The following PLPP3 variants were observed in gnomAD, a reference collection of about 807,000 sequenced individuals.
The protein encoded by PLPP3 is phospholipid phosphatase 3.
PLPP3 carries 6 observed loss-of-function variants against 29.6 expected under a neutral mutation model. The ratio of observed to expected loss-of-function variants is 0.20; its 90% CI spans 0.11 to 0.40. PLPP3 has a LOEUF of 0.40. PLPP3 is among the 10% of genes least tolerant of loss of function. The pLI is 1.00. For synonymous variants in PLPP3, 152 were observed against 159.7 expected, an observed-to-expected ratio of 0.95 and a Z score of 0.36; for missense variants, 308 against 407.7, an observed-to-expected ratio of 0.76 and a Z score of 2.11.
At chr1:56,544,786 T>C (rs1488365929) in intron 1 of PLPP3, among the ~76,000 whole-genome samples, 2 of 152,162 alleles carry the variant, frequency 1.3e-5, no homozygotes, top group African/African-American at 2.4e-5. Context: ...GCTACGAAAC[T>C]CTTGAAAGTG....
intron 5 of PLPP3, among the ~76,000 whole-genome samples, chr1:56,503,440 G>A (rs866299920): frequency 1.3e-5 from 2 of 152,198 alleles, no homozygotes; most frequent in African/African-American, 2.4e-5. Context: ...TGTAATCCCA[G>A]CACTTTGGGA....
chr1:56,572,046 T>G (rs1462145512), intron 1 of PLPP3, among the ~76,000 whole-genome samples: 2 of 127,752 alleles, frequency 1.6e-5, no homozygotes, highest in East Asian at 2.2e-4. Context: ...ATTTCTGGTT[T>G]TTTTTTTTTT....
chr1:56,544,914 T>C (rs922234278), intron 1 of PLPP3, among the ~76,000 whole-genome samples: 2 of 152,198 alleles, frequency 1.3e-5, no homozygotes, highest in Admixed American at 1.3e-4. Context: ...ATTTGCAACA[T>C]GGCTACCCAG....
chr1:56,563,816 G>T (rs1029651791), intron 1 of PLPP3, among the ~76,000 whole-genome samples: 1 of 152,112 alleles, frequency 6.6e-6, no homozygotes, highest in Admixed American at 6.6e-5. Flanking sequence ...AGTTAATAAC[G>T]TATGAAAAGC....
At position 56,539,097 on chromosome 1, in the gene PLPP3, CAG is replaced by C. The variant is rs565527794; in HGVS notation, c.140-1987_140-1986del. Among the ~76,000 whole-genome samples, 229 of 152,164 alleles carry C rather than the reference CAG, an allele frequency of 1.5e-3. 1 individual carries two copies. Among genetic ancestry groups the C allele is most frequent in the African/African-American group, 5.3e-3 (218 of 41,512 alleles). ...TCTTCAAGTGGAGGGAACAGAGACT[CAG>C]AGAGAATACTGAGCTCATTCAGGGT... On this transcript the variant is annotated intron_variant, in intron 1 of 5. Transcript: ENST00000371250.
At chr1:56,572,615 T>C (rs572374566) in intron 1 of PLPP3, among the ~76,000 whole-genome samples, 1 of 152,126 alleles carries the variant, frequency 6.6e-6, no homozygotes, top group Non-Finnish European at 1.5e-5. Flanking sequence ...ATGGAAAACA[T>C]TTGTGTCCAC....
intron 1 of PLPP3, among the ~76,000 whole-genome samples, chr1:56,555,034 C>T (rs1646064656): frequency 6.6e-6 from 1 of 152,052 alleles, no homozygotes; most frequent in Non-Finnish European, 1.5e-5. Flanking sequence ...GATCACAGTT[C>T]AAATGTTATT....
chr1:56,541,650 T>C (rs556567732), intron 1 of PLPP3, among the ~76,000 whole-genome samples: 22 of 152,324 alleles, frequency 1.4e-4, no homozygotes, highest in African/African-American at 5.3e-4. Flanking sequence ...AAGTAAGTTA[T>C]GGAGCTGAAC....
chr1:56,532,812 A>C (rs1645898890), intron 2 of PLPP3, among the ~76,000 whole-genome samples: 1 of 152,134 alleles, frequency 6.6e-6, no homozygotes, highest in Admixed American at 6.5e-5. Flanking sequence ...ATCAAATCAG[A>C]TCTGTCTCTC....
intron 2 of PLPP3, 116 bp downstream of exon 2, chr1:56,536,839 G>T (rs1422696617): frequency 2.3e-6 from 3 of 1,332,132 alleles, no homozygotes; most frequent in Non-Finnish European, 3.1e-6. Context: ...CTAAATATAG[G>T]CCAGAGAAAG....
chr1:56,523,128 G>A (rs1362143139), intron 4 of PLPP3, among the ~76,000 whole-genome samples: 1 of 152,174 alleles, frequency 6.6e-6, no homozygotes, highest in African/African-American at 2.4e-5. Context: ...GAGAAATGGG[G>A]CATGGATTTT....
intron 1 of PLPP3, among the ~76,000 whole-genome samples, chr1:56,549,525 G>A (rs2100280909): frequency 6.6e-6 from 1 of 152,300 alleles, no homozygotes. Flanking sequence ...TTTCCCAGGT[G>A]TCTTGTGGAC....
intron 5 of PLPP3, among the ~76,000 whole-genome samples, chr1:56,497,214 G>A (rs753313826): frequency 1.3e-5 from 2 of 152,192 alleles, no homozygotes; most frequent in African/African-American, 4.8e-5. Flanking sequence ...CCAGGTTCTC[G>A]TTGCTGAGAA....
At chr1:56,560,594 T>C (rs1357584295) in intron 1 of PLPP3, among the ~76,000 whole-genome samples, 1 of 151,926 alleles carries the variant, frequency 6.6e-6, no homozygotes, top group Non-Finnish European at 1.5e-5. Flanking sequence ...CTCAGTCCTG[T>C]TTTATAAGGG....
intron 1 of PLPP3, among the ~76,000 whole-genome samples, chr1:56,558,663 A>G (rs75178815): frequency 0.014 from 2,167 of 152,268 alleles, 40 homozygotes; most frequent in African/African-American, 0.047. Flanking sequence ...CATTGTCTCC[A>G]TTTTACAGGT....
At chr1:56,525,311 C>T (rs1482378084) in intron 2 of PLPP3, among the ~76,000 whole-genome samples, 1 of 152,170 alleles carries the variant, frequency 6.6e-6, no homozygotes, top group Non-Finnish European at 1.5e-5. Context: ...TAGTACGATG[C>T]CCTTCAGTGT....
intron 1 of PLPP3, among the ~76,000 whole-genome samples, chr1:56,547,863 C>A (rs1233640261): frequency 6.6e-6 from 1 of 152,216 alleles, no homozygotes; most frequent in African/African-American, 2.4e-5. Context: ...GCCACTGACA[C>A]TCTATGTGAT....
intron 4 of PLPP3, among the ~76,000 whole-genome samples, chr1:56,516,095 A>T (rs1324911047): frequency 6.6e-6 from 1 of 152,204 alleles, no homozygotes; most frequent in Admixed American, 6.5e-5. Context: ...CGAGAATGAG[A>T]TTGCACAATG....
intron 4 of PLPP3, 34 bp downstream of exon 4, chr1:56,523,789 T>C: frequency 6.3e-7 from 1 of 1,594,136 alleles, no homozygotes; most frequent in Non-Finnish European, 8.6e-7. Flanking sequence ...AAGCTGGAAC[T>C]GAGCACTGCT....
Sources: gnomAD v4.1 joint callset for allele counts (sites outside exome capture counted in the v4.1 genomes callset) on GRCh38, gnomAD v4.1.1 for gene constraint, MANE v1.5 for transcripts, NCBI Gene and HGNC (gene_info 2026-07-23, HGNC 2026-07-21) for gene names.